The following FRYL variants were observed in gnomAD, a reference collection of about 807,000 sequenced individuals.
FRYL encodes protein furry homolog-like.
A neutral mutation model predicts 351.2 loss-of-function variants in FRYL; 150 were observed. That is an observed-to-expected ratio of 0.43 (90% CI 0.37 to 0.49). The LOEUF (loss-of-function observed/expected upper bound fraction) is 0.49. FRYL is among the 20% of genes least tolerant of loss of function. FRYL has a pLI of 0.00. For synonymous variants in FRYL, 1,153 were observed against 1,257.1 expected, an observed-to-expected ratio of 0.92 and a Z score of 1.75; for missense variants, 3,036 against 3,619.3, an observed-to-expected ratio of 0.84 and a Z score of 4.13.
intron 47 of FRYL, among the ~76,000 whole-genome samples, chr4:48,539,731 A>G (rs1254864547): frequency 2.0e-5 from 3 of 152,188 alleles, no homozygotes; most frequent in African/African-American, 7.2e-5. Flanking sequence ...AAGAGCAGAA[A>G]AAGACTCAGA....
At chr4:48,566,743 A>C (rs1736887076) in intron 28 of FRYL, among the ~76,000 whole-genome samples, 1 of 152,240 alleles carries the variant, frequency 6.6e-6, no homozygotes, top group Admixed American at 6.5e-5. Flanking sequence ...TAAATAATTT[A>C]ACTTTTAAAA....
At chr4:48,677,277 G>A (rs566898255) in intron 3 of FRYL, among the ~76,000 whole-genome samples, 1 of 152,102 alleles carries the variant, frequency 6.6e-6, no homozygotes, top group African/African-American at 2.4e-5. Context: ...ACAGTTAAAA[G>A]CTGCAGGTAG....
chr4:48,533,320 T>C (rs372307143), intron 49 of FRYL, among the ~76,000 whole-genome samples: 2 of 152,046 alleles, frequency 1.3e-5, no homozygotes, highest in African/African-American at 4.8e-5. Flanking sequence ...TAGAAAGAGA[T>C]ATAACTGCTA....
rs527490966 is a variant in FRYL, at chr4:48,741,697, A to AAATAAT, written c.-383-31005_-383-31000dup. On this transcript the variant is annotated intron_variant, in intron 1 of 63. Coordinates refer to ENST00000358350, the MANE Select transcript of FRYL (RefSeq NM_015030.2). The stretch of plus-strand genomic sequence containing the variant: ...GGCGACAGAGCAAGACCCTCTCTCA[A>AAATAAT]AATAATAATAATAATAATAATAGTA... Among the ~76,000 whole-genome samples the AAATAAT allele has an allele frequency of 1.6e-3, 235 of 151,542 alleles. 1 individual carries two copies. Among genetic ancestry groups the AAATAAT allele is most frequent in the African/African-American group, 4.5e-3 (186 of 41,366 alleles).
intron 1 of FRYL, among the ~76,000 whole-genome samples, chr4:48,770,762 A>G (rs1200219461): frequency 1.3e-5 from 2 of 152,196 alleles, no homozygotes; most frequent in African/African-American, 4.8e-5. Context: ...AACATAATTT[A>G]TAGTATATAG....
intron 3 of FRYL, among the ~76,000 whole-genome samples, chr4:48,661,713 G>A (rs1479692807): frequency 2.0e-5 from 3 of 152,174 alleles, no homozygotes; most frequent in Admixed American, 6.5e-5. Context: ...CAATTGAAAT[G>A]TATTAAATGT....
chr4:48,609,270 G>A (rs1747537037), intron 8 of FRYL, among the ~76,000 whole-genome samples: 2 of 152,062 alleles, frequency 1.3e-5, no homozygotes, highest in African/African-American at 4.8e-5. Context: ...TATCCAATCT[G>A]TAGTACTAAG....
At chr4:48,510,723 T>A (rs1722293006) in intron 58 of FRYL, 112 bp downstream of exon 58, 5 of 848,326 alleles carry the variant, frequency 5.9e-6, no homozygotes, top group Non-Finnish European at 7.8e-6. Context: ...ATAATCATGT[T>A]GAAAATACGA....
chr4:48,606,422 T>G lies in FRYL; in HGVS notation c.741+16A>C. On this transcript the variant is annotated intron_variant, in intron 10 of 63. Transcript: ENST00000358350. ...TTAGGCTTGCTCTATTTACTGTCAT[T>G]TAGAAGGTATATCACCTGCATAAAT... 6.4e-7 allele frequency: 1 copy of G among 1,564,920 alleles called. No individual in the cohort carries two copies.
chr4:48,777,735 A>G (rs1383087899), intron 1 of FRYL, among the ~76,000 whole-genome samples: 1 of 152,278 alleles, frequency 6.6e-6, no homozygotes, highest in African/African-American at 2.4e-5. Context: ...AAACAAAGAC[A>G]GACATTTAAA....
chr4:48,623,443 C>T (rs558892336), intron 4 of FRYL, among the ~76,000 whole-genome samples: 24 of 152,272 alleles, frequency 1.6e-4, no homozygotes, highest in African/African-American at 5.8e-4. Context: ...CCTTTTGTAA[C>T]AAGTTTAAGT....
intron 3 of FRYL, chr4:48,638,201 A>T (rs1263442710): frequency 2.0e-5 from 3 of 152,128 alleles, no homozygotes; most frequent in African/African-American, 7.2e-5. Flanking sequence ...ATGTACACAA[A>T]TATTATATGC....
chr4:48,622,117 C>A (rs1750767029), intron 5 of FRYL, among the ~76,000 whole-genome samples: 2 of 152,006 alleles, frequency 1.3e-5, no homozygotes, highest in Admixed American at 6.6e-5. Context: ...AAAAAAAAAT[C>A]AAGCTATGAG....
chr4:48,501,588 T>A, intron 62 of FRYL, 35 bp downstream of exon 62: 1 of 1,143,938 alleles, frequency 8.7e-7, no homozygotes, highest in Non-Finnish European at 1.3e-6. Context: ...TTTTTTAGAA[T>A]CAGTTACTGA....
chr4:48,548,745 A>G lies in FRYL; in HGVS notation c.4833T>C (p.Ser1611=). 6.2e-7 allele frequency: 1 copy of G among 1,612,552 alleles called. No homozygotes were observed. Among genetic ancestry groups the G allele is most frequent in the Non-Finnish European group, 8.5e-7 (1 of 1,178,724 alleles). Reference sequence around the variant, plus strand: ...GGTAGCTTCCCCATTCCACCTTCACACTATGATCAATGATGAGATCAGTCA... The same window carrying G: ...GGTAGCTTCCCCATTCCACCTTCACGCTATGATCAATGATGAGATCAGTCA... ...ILLTDLIIDH[S]VKVEWGSYLH... is the part of the protein sequence containing the mutation. The change falls in exon 40 of 64, where the codon AGT becomes AGC. Residue 1611 remains serine (S), a synonymous_variant. Coordinates refer to ENST00000358350, the MANE Select transcript of FRYL (RefSeq NM_015030.2).
Position 48,531,140 on chromosome 4 carries a change from T to A in FRYL, c.6903+16A>T. The A allele has an allele frequency of 6.7e-7, 1 of 1,489,160 alleles. No homozygotes were observed. Among genetic ancestry groups the A allele is most frequent in the Non-Finnish European group, 9.3e-7 (1 of 1,076,252 alleles). 92.2% of individuals were successfully genotyped at this position (1,489,160 alleles called of 1,614,324 possible). A position where few individuals can be genotyped will look rare whatever the true frequency, so the allele number is the denominator to read the frequency against. On this transcript the variant is annotated intron_variant, in intron 50 of 63. Transcript: ENST00000358350. ...ATTCCTAGTAGAGTAACTTCATCAA[T>A]TTCTGAGCATCTTACCTCAGATATA...
At chr4:48,504,002 T>G (rs963346704) in intron 60 of FRYL, among the ~76,000 whole-genome samples, 1 of 152,164 alleles carries the variant, frequency 6.6e-6, no homozygotes, top group Middle Eastern at 3.2e-3. Flanking sequence ...TAATGGAACA[T>G]AAACTGCTGA....
At chr4:48,582,814 T>TA (rs1277636856) in intron 19 of FRYL, 80 bp from the exon 20 acceptor site, 5 of 888,958 alleles carry the variant, frequency 5.6e-6, no homozygotes, top group Non-Finnish European at 9.1e-6. Context: ...ACTATGACCT[T>TA]AAAATAAATG....
intron 11 of FRYL, 55 bp from the exon 12 acceptor site, chr4:48,603,443 T>C (rs1310013734): frequency 1.2e-5 from 13 of 1,088,928 alleles, no homozygotes; most frequent in Admixed American, 2.1e-5. Flanking sequence ...GATTAAACTA[T>C]ACAAAGAATA....
Sources: allele counts gnomAD v4.1 joint callset (sites outside exome capture counted in the v4.1 genomes callset), GRCh38; gene constraint gnomAD v4.1.1; transcripts MANE v1.5; gene names NCBI Gene and HGNC (gene_info 2026-07-23, HGNC 2026-07-21).